CHD6: variants seen among roughly 807,000 people sequenced by gnomAD.
CHD6 encodes ATP-dependent chromatin remodeler CHD6.
A neutral mutation model predicts 276.9 loss-of-function variants in CHD6; 50 were observed. That is an observed-to-expected ratio of 0.18 (90% CI 0.14 to 0.23). The LOEUF (loss-of-function observed/expected upper bound fraction) is 0.23. Ranked by LOEUF, CHD6 falls within the 10% of genes least tolerant of loss-of-function variation. The pLI, the probability that CHD6 is intolerant of heterozygous loss-of-function variation, is 1.00. For missense variants in CHD6, 2,564 were observed against 3,365.8 expected (o/e 0.76, Z 5.89); for synonymous variants, 1,173 against 1,229.3 (o/e 0.95, Z 0.96).
intron 27 of CHD6, 114 bp from the exon 28 acceptor site, chr20:41,426,267 T>TCA: frequency 1.3e-6 from 1 of 788,930 alleles, no homozygotes; most frequent in Admixed American, 1.7e-5. Flanking sequence ...CCCCTGCCCA[T>TCA]GAACAACTCA....
At chr20:41,459,240 A>T (rs2145705291) in intron 17 of CHD6, 1 of 152,328 alleles carries the variant, frequency 6.6e-6, no homozygotes, top group South Asian at 2.1e-4. Context: ...TCCTATACTT[A>T]GTACTAAAGC....
intron 36 of CHD6, among the ~76,000 whole-genome samples, chr20:41,410,815 C>T (rs1012337190): frequency 6.6e-6 from 1 of 152,062 alleles, no homozygotes; most frequent in African/African-American, 2.4e-5. Flanking sequence ...CAAGGGGGAA[C>T]CACATGGCTC....
intron 31 of CHD6, among the ~76,000 whole-genome samples, chr20:41,418,025 G>A (rs762943821): frequency 2.0e-5 from 3 of 152,334 alleles, no homozygotes; most frequent in Non-Finnish European, 4.4e-5. Flanking sequence ...AAAAGTTGTT[G>A]ACCTCTTTCT....
intron 27 of CHD6, among the ~76,000 whole-genome samples, chr20:41,431,187 G>T (rs892047297): frequency 6.6e-6 from 1 of 152,030 alleles, no homozygotes; most frequent in African/African-American, 2.4e-5. Flanking sequence ...ATGTTACCGG[G>T]GTCTGAGGCT....
intron 33 of CHD6, among the ~76,000 whole-genome samples, chr20:41,416,121 G>A (rs1054697187): frequency 2.6e-5 from 4 of 152,106 alleles, no homozygotes; most frequent in Admixed American, 1.3e-4. Context: ...CCACCAAAAC[G>A]CTCACTCCTG....
At chr20:41,415,126 A>C in intron 34 of CHD6, 60 bp downstream of exon 34, 2 of 1,515,518 alleles carry the variant, frequency 1.3e-6, no homozygotes, top group Non-Finnish European at 1.8e-6. Flanking sequence ...CTGAGGAAGA[A>C]GGGTTTGTTT....
intron 13 of CHD6, 73 bp downstream of exon 13, chr20:41,488,355 A>C: frequency 2.2e-6 from 3 of 1,336,000 alleles, no homozygotes; most frequent in Non-Finnish European, 3.1e-6. Context: ...TTACATGCAG[A>C]ATGGCTAAAG....
At chr20:41,417,146 C>A in intron 32 of CHD6, 52 bp downstream of exon 32, 1 of 1,535,592 alleles carries the variant, frequency 6.5e-7, no homozygotes, top group Non-Finnish European at 8.8e-7. Context: ...AAAAGCAATT[C>A]AAAGCTGGGA....
At chr20:41,487,558 A>G (rs893243488) in intron 14 of CHD6, 107 bp downstream of exon 14, 2 of 1,089,424 alleles carry the variant, frequency 1.8e-6, no homozygotes, top group Non-Finnish European at 2.7e-6. Context: ...CGCTCATTTT[A>G]CCAGGAACGT....
intron 1 of CHD6, among the ~76,000 whole-genome samples, chr20:41,569,345 A>G (rs1049935483): frequency 9.9e-5 from 15 of 152,238 alleles, no homozygotes; most frequent in Non-Finnish European, 2.1e-4. Flanking sequence ...GATTCATTTA[A>G]TTTGCCTACA....
intron 3 of CHD6, among the ~76,000 whole-genome samples, chr20:41,532,090 A>G (rs1601099065): frequency 6.6e-6 from 1 of 152,214 alleles, no homozygotes; most frequent in South Asian, 2.1e-4. Flanking sequence ...TTTAGAAACA[A>G]AATGAGAAAT....
In CHD6 at chr20:41,581,231, A is replaced by G. The variant is rs117651502; in HGVS notation, c.-23-29871T>C. On this transcript the variant is annotated intron_variant, in intron 1 of 36. Coordinates refer to ENST00000373233, the MANE Select transcript of CHD6 (RefSeq NM_032221.5). ...ACGGTACTATTATTGTTCCCATTGT[A>G]TAGATGAGGACATTGAAGCACAAGA... is the stretch of plus-strand genomic sequence containing the variant. Among the ~76,000 whole-genome samples, 915 of 152,318 alleles carry G rather than the reference A, an allele frequency of 6.0e-3. 3 individuals are homozygous for G. The highest frequency in any genetic ancestry group is 0.017 in the Middle Eastern group (5 of 294).
chr20:41,456,620 G>C (rs1347847420), intron 18 of CHD6, among the ~76,000 whole-genome samples: 2 of 152,184 alleles, frequency 1.3e-5, no homozygotes, highest in Non-Finnish European at 2.9e-5. Context: ...AGAGGATATG[G>C]AACATCTGGA....
At chr20:41,446,906 G>A (rs1030891834) in intron 24 of CHD6, among the ~76,000 whole-genome samples, 5 of 152,130 alleles carry the variant, frequency 3.3e-5, no homozygotes, top group African/African-American at 9.7e-5. Flanking sequence ...ACATGACAGC[G>A]GTAAGTTCAG....
intron 1 of CHD6, among the ~76,000 whole-genome samples, chr20:41,593,482 C>T (rs1194880212): frequency 6.6e-6 from 1 of 152,218 alleles, no homozygotes; most frequent in South Asian, 2.1e-4. Flanking sequence ...AGGGGTCCCA[C>T]ATGACTTTGG....
At chr20:41,500,155 T>C (rs1361515915) in intron 5 of CHD6, among the ~76,000 whole-genome samples, 1 of 152,160 alleles carries the variant, frequency 6.6e-6, no homozygotes, top group East Asian at 1.9e-4. Flanking sequence ...CCTTTTCAGA[T>C]CTATTACAAT....
intron 31 of CHD6, among the ~76,000 whole-genome samples, chr20:41,418,088 C>T (rs2047061035): frequency 6.6e-6 from 1 of 152,202 alleles, no homozygotes; most frequent in Non-Finnish European, 1.5e-5. Flanking sequence ...TTTCACTTCT[C>T]AATGTGCAAC....
At chr20:41,482,733 G>A (rs971944279) in intron 16 of CHD6, among the ~76,000 whole-genome samples, 6 of 152,234 alleles carry the variant, frequency 3.9e-5, no homozygotes, top group African/African-American at 1.4e-4. Context: ...AACCCACACA[G>A]CACCACAGAC....
chr20:41,526,440 TA>T (rs1270180321), intron 3 of CHD6, among the ~76,000 whole-genome samples: 2 of 152,178 alleles, frequency 1.3e-5, no homozygotes, highest in Middle Eastern at 3.2e-3. Context: ...GACCTTCAAA[TA>T]AATGAGAAAG....
Sources: gnomAD v4.1 joint callset for allele counts (sites outside exome capture counted in the v4.1 genomes callset) on GRCh38, gnomAD v4.1.1 for gene constraint, MANE v1.5 for transcripts, NCBI Gene and HGNC (gene_info 2026-07-23, HGNC 2026-07-21) for gene names.